CASK: variants seen among roughly 807,000 people sequenced by gnomAD.
CASK encodes peripheral plasma membrane protein CASK.
Under a neutral mutation model 82.9 loss-of-function variants are expected in CASK, and 4 were observed. The observed-to-expected ratio is 0.05, with a 90% CI of 0.02 to 0.11. The LOEUF (loss-of-function observed/expected upper bound fraction) is 0.11. Among genes scored for constraint, CASK ranks in the 10% least tolerant of loss-of-function variants. The pLI, the probability that CASK is intolerant of heterozygous loss-of-function variation, is 1.00. For synonymous variants in CASK, 259 were observed against 253.5 expected (o/e 1.02, Z -0.20); for missense variants, 358 against 720.9 (o/e 0.50, Z 5.76).
rs12007835 is a variant in CASK at position 41,737,884 on chromosome X, A to C, written c.429+1500T>G. On this transcript the variant is annotated intron_variant, in intron 5 of 26. Transcript: ENST00000378163. ...ACTCTCTACATATGAACTTTCTTAC[A>C]TTAATTAATGCAAAATAACTGCACA... Among the ~76,000 whole-genome samples the C allele has an allele frequency of 8.7e-3, 983 of 113,094 alleles. 14 individuals carry two copies. The highest frequency in any genetic ancestry group is 0.03 in the African/African-American group (948 of 31,202).
chrX:41,628,335 G>A (rs911290874), intron 9 of CASK, among the ~76,000 whole-genome samples: 3 of 111,927 alleles, frequency 2.7e-5, no homozygotes, highest in African/African-American at 6.5e-5. Context: ...ACAGGGTCTC[G>A]CTCTGTTGCC....
chrX:41,677,205 T>A lies in CASK; in HGVS notation c.430-5675A>T, dbSNP rs147090087. ...GGTCTCATACGTATTGAGTTTGAGA[T>A]TTTATAAGATGACATTAAGGGGAAG... On this transcript the variant is annotated intron_variant, in intron 5 of 26. Coordinates refer to ENST00000378163, the MANE Select transcript of CASK (RefSeq NM_001367721.1). 8.4e-5 allele frequency among the ~76,000 whole-genome samples: 9 copies of A among 107,128 alleles called. No individual in the cohort carries two copies. The Admixed American group carries it at 9.0e-4, about 11-fold the overall frequency. 93.0% of individuals were successfully genotyped at this position (107,128 alleles called of 115,157 possible).
chrX:41,529,195 C>G (rs990413014), intron 25 of CASK, among the ~76,000 whole-genome samples: 4 of 111,659 alleles, frequency 3.6e-5, no homozygotes, highest in African/African-American at 1.3e-4. Context: ...ATCCAGCACT[C>G]AGGGGAGCAG....
Position 41,912,300 on chromosome X carries a change from G to GTTT in CASK, c.59+10627_59+10629dup, listed in dbSNP as rs774775542. On this transcript the variant is annotated intron_variant, in intron 1 of 26. Transcript: ENST00000378163. ...TGGACAGTTTTTTTGTTTGTTTTCTGTTTTTTTTTTTTTTTTTTTTTTTTG... is the reference window on the plus strand; with the variant it reads ...TGGACAGTTTTTTTGTTTGTTTTCTGTTTTTTTTTTTTTTTTTTTTTTTTTTTG... 4.0e-3 allele frequency among the ~76,000 whole-genome samples: 213 copies of GTTT among 53,132 alleles called. 1 individual carries two copies. The highest frequency in any genetic ancestry group is 0.02 in the Middle Eastern group (1 of 51). 46.1% of individuals were successfully genotyped at this position (53,132 alleles called of 115,157 possible).
chrX:41,753,431 A>G (rs1019681161), intron 3 of CASK, among the ~76,000 whole-genome samples: 1 of 112,219 alleles, frequency 8.9e-6, no homozygotes, highest in African/African-American at 3.2e-5. Flanking sequence ...AAAATATTAG[A>G]AAATATGAAA....
intron 21 of CASK, among the ~76,000 whole-genome samples, chrX:41,549,638 G>A (rs1194061888): frequency 9.0e-6 from 1 of 110,731 alleles, no homozygotes; most frequent in South Asian, 3.8e-4. Context: ...TCAGGAGTTC[G>A]AGACCAGCCT....
At chrX:41,653,574 A>T (rs756362852) in intron 8 of CASK, among the ~76,000 whole-genome samples, 24 of 111,952 alleles carry the variant, frequency 2.1e-4, no homozygotes, top group Non-Finnish European at 3.9e-4. Flanking sequence ...ACTAGCCTTC[A>T]AGCTGACCCC....
At chrX:41,531,435 T>C (rs1023580374) in intron 24 of CASK, among the ~76,000 whole-genome samples, 8 of 112,095 alleles carry the variant, frequency 7.1e-5, no homozygotes, top group Non-Finnish European at 1.5e-4. Context: ...TCTGGTTTGG[T>C]GAAACTTTCA....
intron 5 of CASK, among the ~76,000 whole-genome samples, chrX:41,682,780 T>G (rs779413081): frequency 1.8e-5 from 2 of 109,482 alleles, no homozygotes; most frequent in South Asian, 7.9e-4. Context: ...CCTGGCTAAT[T>G]AAAAACATTT....
chrX:41,680,783 C>T (rs1447936405), intron 5 of CASK, among the ~76,000 whole-genome samples: 1 of 110,054 alleles, frequency 9.1e-6, no homozygotes, highest in Non-Finnish European at 1.9e-5. Context: ...GGTGTGGTGG[C>T]AGAAGCCTGT....
intron 1 of CASK, among the ~76,000 whole-genome samples, chrX:41,893,924 T>A (rs1035171267): frequency 2.7e-5 from 3 of 111,681 alleles, no homozygotes; most frequent in Non-Finnish European, 5.6e-5. Context: ...CCTGAGTGGA[T>A]CAGAATCCAG....
chrX:41,625,421 C>A (rs2066352724), intron 10 of CASK, among the ~76,000 whole-genome samples: 2 of 110,859 alleles, frequency 1.8e-5, no homozygotes, highest in Admixed American at 1.9e-4. Context: ...CTCCTGACCT[C>A]ATCATCTGCC....
At chrX:41,692,694 CCTTTT>C (rs2067594509) in intron 5 of CASK, among the ~76,000 whole-genome samples, 1 of 112,093 alleles carries the variant, frequency 8.9e-6, no homozygotes, top group African/African-American at 3.2e-5. Context: ...TGGTCCATGG[CCTTTT>C]CTAAGTGTGC....
rs1228316090 is a variant in CASK, at chrX:41,923,126, G to A, written c.-138C>T. ...CCCTCGGTGCCGAGGACGCTCGAGT[G>A]GGGCCGCGAGGCCCAGAGACTGCGG... On this transcript the variant is annotated 5_prime_UTR_variant, in exon 1 of 27. Coordinates refer to ENST00000378163, the MANE Select transcript of CASK (RefSeq NM_001367721.1). 2.2e-6 allele frequency: 1 copy of A among 451,982 alleles called. No individual in the cohort carries two copies. Among genetic ancestry groups the A allele is most frequent in the Non-Finnish European group, 3.7e-6 (1 of 269,821 alleles). 37.2% of individuals were successfully genotyped at this position (451,982 alleles called of 1,213,427 possible).
At chrX:41,604,017 C>T (rs1268997938) in intron 12 of CASK, among the ~76,000 whole-genome samples, 1 of 110,949 alleles carries the variant, frequency 9.0e-6, no homozygotes, top group Non-Finnish European at 1.9e-5. Context: ...CACTGACCTT[C>T]CAATGTATCA....
chrX:41,740,394 T>G (rs1039539782), intron 4 of CASK, among the ~76,000 whole-genome samples: 2 of 110,431 alleles, frequency 1.8e-5, no homozygotes, highest in African/African-American at 6.6e-5. Context: ...GTATAATATT[T>G]ATAGAATTTT....
intron 5 of CASK, among the ~76,000 whole-genome samples, chrX:41,724,927 G>A (rs1054747330): frequency 1.4e-4 from 16 of 112,359 alleles, no homozygotes; most frequent in Non-Finnish European, 2.6e-4. Flanking sequence ...CAATCCTTAT[G>A]TAAAATCAAA....
chrX:41,759,337 T>C (rs752610332), intron 3 of CASK, among the ~76,000 whole-genome samples: 23 of 111,827 alleles, frequency 2.1e-4, no homozygotes, highest in Non-Finnish European at 4.1e-4. Context: ...TTATTGTATA[T>C]ACTACTGAAA....
At chrX:41,902,216 T>C (rs2072396077) in intron 1 of CASK, among the ~76,000 whole-genome samples, 1 of 112,170 alleles carries the variant, frequency 8.9e-6, no homozygotes, top group African/African-American at 3.2e-5. Context: ...GTATTCATAA[T>C]TTCCTACTAC....
Sources: allele counts gnomAD v4.1 joint callset (sites outside exome capture counted in the v4.1 genomes callset), GRCh38; gene constraint gnomAD v4.1.1; transcripts MANE v1.5; gene names NCBI Gene and HGNC (gene_info 2026-07-23, HGNC 2026-07-21).